NFATC4: variants seen among roughly 807,000 people sequenced by gnomAD.
NFATC4 encodes nuclear factor of activated T-cells, cytoplasmic 4.
Under a neutral mutation model 73.4 loss-of-function variants are expected in NFATC4, and 25 were observed. That is an observed-to-expected ratio of 0.34 (90% CI 0.25 to 0.48). The LOEUF (loss-of-function observed/expected upper bound fraction) is 0.48. Ranked by LOEUF, NFATC4 falls within the 20% of genes least tolerant of loss-of-function variation. The pLI, the probability that NFATC4 is intolerant of heterozygous loss-of-function variation, is 0.99. For missense variants in NFATC4, 1,130 were observed against 1,203.7 expected (o/e 0.94, Z 0.91); for synonymous variants, 523 against 510.3 (o/e 1.02, Z -0.34).
chr14:24,368,664 G>C (rs544695181), intron 1 of NFATC4, among the ~76,000 whole-genome samples: 3 of 151,852 alleles, frequency 2.0e-5, no homozygotes, highest in African/African-American at 7.2e-5. Flanking sequence ...GCTGTTGGCT[G>C]TGCGCCGCCT....
chr14:24,375,935 A>G lies in NFATC4; in HGVS notation c.1930-40A>G, dbSNP rs1235777770. The G allele has an allele frequency of 1.9e-6, 3 of 1,612,962 alleles. No individual in the cohort carries two copies. In the South Asian group the frequency reaches 3.3e-5, roughly 18 times the overall value. On this transcript the variant is annotated intron_variant, in intron 7 of 9. Coordinates refer to ENST00000250373, the MANE Select transcript of NFATC4 (RefSeq NM_004554.5). The stretch of plus-strand genomic sequence containing the variant: ...CCTGGAAAGGCTGGGCTAAGCCCAG[A>G]TGCCCGAGGGCTCCCTGCCTCATTT...
chr14:24,376,169 G>A lies in NFATC4; in HGVS notation c.2056+68G>A. ...GGAGCTGGAGCAGGAGCAGAGGGAAGCAGTACTCATCATGAGGGGCCAAGG... is the reference window on the plus strand; with the variant it reads ...GGAGCTGGAGCAGGAGCAGAGGGAAACAGTACTCATCATGAGGGGCCAAGG... On this transcript the variant is annotated intron_variant, in intron 8 of 9. Transcript: ENST00000250373. The surrounding 1 kb of genome is among the most constrained non-coding windows in gnomAD (Gnocchi z 5.0). The A allele has an allele frequency of 1.2e-6, 2 of 1,608,720 alleles. No homozygotes were observed. Among genetic ancestry groups the A allele is most frequent in the Admixed American group, 3.3e-5 (2 of 59,770 alleles).
chr14:24,373,618 G>A lies in NFATC4; in HGVS notation c.1560-77G>A, dbSNP rs1594712928. On this transcript the variant is annotated intron_variant, in intron 4 of 9. Transcript: ENST00000250373. The surrounding 1 kb of genome is among the most constrained non-coding windows in gnomAD (Gnocchi z 4.7). Reference sequence around the variant, plus strand: ...TCATTCAAGGCTTTGGATGGAGGGCGGGAACTTCCCTCTTTAGGGATGTAT... The same window carrying A: ...TCATTCAAGGCTTTGGATGGAGGGCAGGAACTTCCCTCTTTAGGGATGTAT... 6 of 1,541,390 alleles carry A rather than the reference G, an allele frequency of 3.9e-6. No homozygotes were observed. The highest frequency in any genetic ancestry group is 2.3e-5 in the East Asian group (1 of 44,384).
Position 24,373,637 on chromosome 14 carries a change from G to C in NFATC4, c.1560-58G>C. ...GAGGGCGGGAACTTCCCTCTTTAGGGATGTATCACCATTTTGGCTTCAGCT... is the reference window on the plus strand; with the variant it reads ...GAGGGCGGGAACTTCCCTCTTTAGGCATGTATCACCATTTTGGCTTCAGCT... On this transcript the variant is annotated intron_variant, in intron 4 of 9. Transcript: ENST00000250373. This position sits in a 1 kb window ranked among gnomAD's most constrained non-coding sequence, Gnocchi z 4.7. The C allele has an allele frequency of 6.4e-7, 1 of 1,565,810 alleles. No homozygotes were observed. The highest frequency in any genetic ancestry group is 8.7e-7 in the Non-Finnish European group (1 of 1,154,340).
rs73593207 is a variant in NFATC4, at chr14:24,369,141, C to T, written c.101-358C>T. The T allele has an allele frequency of 3.5e-4, 501 of 1,450,572 alleles. 2 individuals carry two copies. The African/African-American group carries it at 6.8e-3, about 20-fold the overall frequency. 89.9% of individuals were successfully genotyped at this position (1,450,572 alleles called of 1,614,324 possible). A position where few individuals can be genotyped will look rare whatever the true frequency, so the allele number is the denominator to read the frequency against. On this transcript the variant is annotated intron_variant, in intron 1 of 9. Coordinates refer to ENST00000250373, the MANE Select transcript of NFATC4 (RefSeq NM_004554.5). Reference sequence around the variant, plus strand: ...CCGTTTGGGGGTTTGGGAACCGCTGCTAATTGGGTTCATGTGTGAGTCGCC... The same window carrying T: ...CCGTTTGGGGGTTTGGGAACCGCTGTTAATTGGGTTCATGTGTGAGTCGCC...
rs2042556527 is a variant in NFATC4, at chr14:24,374,366, C to T, written c.1773C>T (p.Tyr591=). Residue 591 remains tyrosine, a synonymous_variant, in exon 6 of 10, where the codon TAC becomes TAT. Coordinates refer to ENST00000250373, the MANE Select transcript of NFATC4 (RefSeq NM_004554.5). ...AGGAGCTGCCCCAGGTGGAGGCCTA[C>T]AGCCCCAGTGCCTGCTCTGTGAGAG... ...SAQELPQVEA[Y]SPSACSVRGG... The T allele has an allele frequency of 2.5e-6, 4 of 1,613,770 alleles. No individual in the cohort carries two copies. In the South Asian group the frequency reaches 3.3e-5, roughly 13 times the overall value.
chr14:24,368,236 C>A lies in NFATC4; in HGVS notation c.-105C>A. On this transcript the variant is annotated 5_prime_UTR_variant, in exon 1 of 10. Transcript: ENST00000250373. ...GAGGCGGCAGCGACGGAGGAGGGGG[C>A]TTCTCAGAGAAAGGGAGGGAGGGAG... is the stretch of plus-strand genomic sequence containing the variant. 1 of 1,320,734 alleles carries A rather than the reference C, an allele frequency of 7.6e-7. No individual in the cohort carries two copies. Among genetic ancestry groups the A allele is most frequent in the South Asian group, 2.3e-5 (1 of 43,410 alleles). The allele number at this position is 1,320,734 out of a possible 1,614,324, so 81.8% of individuals were successfully genotyped here. A position where few individuals can be genotyped will look rare whatever the true frequency, so the allele number is the denominator to read the frequency against.
chr14:24,372,727 G>A, intron 3 of NFATC4, 124 bp downstream of exon 3: 1 of 1,261,268 alleles, frequency 7.9e-7, no homozygotes, highest in Non-Finnish European at 1.1e-6. Flanking sequence ...GCAGCCTGGG[G>A]GAGGGGCTGG....
At position 24,373,030 on chromosome 14, in the gene NFATC4, C is replaced by T. The variant is rs1003581501; in HGVS notation, c.1360-141C>T. ...GGCCATGTTTTCTCCACAACGGGTG[C>T]CCAGTTCCCCAAGGGATTCCCTTGC... On this transcript the variant is annotated intron_variant, in intron 3 of 9. Transcript: ENST00000250373. This position sits in a 1 kb window ranked among gnomAD's most constrained non-coding sequence, Gnocchi z 4.7. 14 of 835,240 alleles carry T rather than the reference C, an allele frequency of 1.7e-5. No individual in the cohort carries two copies. In the African/African-American group the frequency reaches 2.2e-4, roughly 13 times the overall value. The allele number at this position is 835,240 out of a possible 1,614,324, so 51.7% of individuals were successfully genotyped here. A position where few individuals can be genotyped will look rare whatever the true frequency, so the allele number is the denominator to read the frequency against.
At chr14:24,369,247 C>T (rs1478526089) in intron 1 of NFATC4, 1 of 1,537,934 alleles carries the variant, frequency 6.5e-7, no homozygotes, top group East Asian at 2.4e-5. Context: ...CCTCTCTCAC[C>T]TTAAGACCCA....
chr14:24,371,186 A>C (rs535778231), intron 2 of NFATC4, among the ~76,000 whole-genome samples: 23 of 152,260 alleles, frequency 1.5e-4, no homozygotes, highest in Non-Finnish European at 2.6e-4. Flanking sequence ...GCCCATTTCA[A>C]TAATCTTAAA....
chr14:24,374,512 A>T (rs372113373), intron 6 of NFATC4, 46 bp downstream of exon 6: 137 of 1,560,436 alleles, frequency 8.8e-5, no homozygotes, highest in Non-Finnish European at 1.1e-4. Context: ...AGAGCTTGGG[A>T]GTGGCAGGTG....
Position 24,375,747 on chromosome 14 carries a change from G to A in NFATC4, c.1929+32G>A, listed in dbSNP as rs1285447879. 9 of 1,519,158 alleles carry A rather than the reference G, an allele frequency of 5.9e-6. No individual in the cohort carries two copies. The African/African-American group carries it at 9.6e-5, about 16-fold the overall frequency. The allele number at this position is 1,519,158 out of a possible 1,614,324, so 94.1% of individuals were successfully genotyped here. ...GTGTCACTTGGATACCTCCTGGGGGGCGGGGGTGGGAGAAGGCAGGGGATT... is the reference window on the plus strand; with the variant it reads ...GTGTCACTTGGATACCTCCTGGGGGACGGGGGTGGGAGAAGGCAGGGGATT... On this transcript the variant is annotated intron_variant, in intron 7 of 9. Coordinates refer to ENST00000250373, the MANE Select transcript of NFATC4 (RefSeq NM_004554.5).
In NFATC4 at chr14:24,373,507, A is replaced by G; in HGVS notation, c.1559+137A>G. ...GGAGCTGGCTTCAGGCCTACCCACCATCTGGAAGAGGACTTTTGGGGTTGG... is the reference window on the plus strand; with the variant it reads ...GGAGCTGGCTTCAGGCCTACCCACCGTCTGGAAGAGGACTTTTGGGGTTGG... On this transcript the variant is annotated intron_variant, in intron 4 of 9. Transcript: ENST00000250373. The surrounding 1 kb of genome is among the most constrained non-coding windows in gnomAD (Gnocchi z 4.7). 7.3e-7 allele frequency: 1 copy of G among 1,363,722 alleles called. No individual in the cohort carries two copies. 84.5% of individuals were successfully genotyped at this position (1,363,722 alleles called of 1,614,324 possible). A position where few individuals can be genotyped will look rare whatever the true frequency, so the allele number is the denominator to read the frequency against.
chr14:24,374,219 G>C (rs977739407), intron 5 of NFATC4, 107 bp from the exon 6 acceptor site: 36 of 1,379,182 alleles, frequency 2.6e-5, no homozygotes, highest in Non-Finnish European at 3.4e-5. Context: ...CTGCTGAGGA[G>C]GGCTCCCTCA....
In NFATC4 at chr14:24,369,856, G is replaced by C. The variant is rs1197996279; in HGVS notation, c.458G>C (p.Gly153Ala). The change falls in exon 2 of 10, where the codon GGG (glycine) becomes GCG (alanine). Residue 153 changes from glycine to alanine, a missense_variant. Physicochemically the swap from Gly to Ala is moderately conservative, Grantham distance 60. This residue lies in a region of NFATC4 where 585 missense variants were observed against 574.3 expected (regional missense o/e 1.02). Coordinates refer to ENST00000250373, the MANE Select transcript of NFATC4 (RefSeq NM_004554.5). ...PRDYPPPEGFGGYREAGGQGG... is the reference protein window; with the variant it reads ...PRDYPPPEGFAGYREAGGQGG... ...GATTACCCCCCACCAGAAGGCTTTG[G>C]GGGCTACAGAGAAGCAGGGGGCCAG... The C allele has an allele frequency of 2.5e-6, 4 of 1,609,208 alleles. No individual in the cohort carries two copies. In the African/African-American group the frequency reaches 4.0e-5, roughly 16 times the overall value.
rs767566336 is a variant in NFATC4 at position 24,369,371 on chromosome 14, C to T, written c.101-128C>T. 18 of 1,600,130 alleles carry T rather than the reference C, an allele frequency of 1.1e-5. No homozygotes were observed. In the South Asian group the frequency reaches 1.9e-4, roughly 17 times the overall value. On this transcript the variant is annotated intron_variant, in intron 1 of 9. Coordinates refer to ENST00000250373, the MANE Select transcript of NFATC4 (RefSeq NM_004554.5). ...CCAACTCTGCTTTTGTCTTGTGGCTCAGAAGGTCTCTTTGCTGAGGGGCAG... is the reference window on the plus strand; with the variant it reads ...CCAACTCTGCTTTTGTCTTGTGGCTTAGAAGGTCTCTTTGCTGAGGGGCAG...
intron 5 of NFATC4, 23 bp from the exon 6 acceptor site, chr14:24,374,303 C>T: frequency 6.3e-7 from 1 of 1,588,984 alleles, no homozygotes. Context: ...CCAGCCAGTC[C>T]TCTTCCTTGC....
chr14:24,369,971 G>A lies in NFATC4; in HGVS notation c.573G>A (p.Leu191=), dbSNP rs2042425386. The change falls in exon 2 of 10, where the codon CTG becomes CTA. Residue 191 remains leucine, a synonymous_variant. Coordinates refer to ENST00000250373, the MANE Select transcript of NFATC4 (RefSeq NM_004554.5). ...FFSDASDEAA[L]YAACDEVESE... Reference sequence around the variant, plus strand: ...CCGATGCCTCTGACGAGGCAGCCCTGTATGCAGCCTGCGACGAGGTGGAGT... The same window carrying A: ...CCGATGCCTCTGACGAGGCAGCCCTATATGCAGCCTGCGACGAGGTGGAGT... 2.5e-6 allele frequency: 4 copies of A among 1,612,884 alleles called. No individual in the cohort carries two copies. The highest frequency in any genetic ancestry group is 1.1e-5 in the South Asian group (1 of 91,096).
Sources: allele counts gnomAD v4.1 joint callset (sites outside exome capture counted in the v4.1 genomes callset), GRCh38; gene constraint gnomAD v4.1.1; regional missense constraint gnomAD v4.1.1; non-coding constraint Gnocchi (gnomAD v3.1); transcripts MANE v1.5; gene names NCBI Gene and HGNC (gene_info 2026-07-23, HGNC 2026-07-21).